Variants in RRM1 observed in about 807,000 individuals in gnomAD.
RRM1 encodes ribonucleoside-diphosphate reductase large subunit.
A neutral mutation model predicts 101.5 loss-of-function variants in RRM1; 19 were observed. The observed-to-expected ratio is 0.19, with a 90% CI of 0.13 to 0.27. The LOEUF (loss-of-function observed/expected upper bound fraction) is 0.27, where lower values mean the gene tolerates loss of function less well. RRM1 is among the 10% of genes least tolerant of loss of function. RRM1 has a pLI of 1.00. For missense variants in RRM1, 500 were observed against 962.9 expected (o/e 0.52, Z 6.36); for synonymous variants, 298 against 323.4 (o/e 0.92, Z 0.84).
chr11:4,103,572 G>A (rs146414134), intron 2 of RRM1, among the ~76,000 whole-genome samples: 9 of 152,150 alleles, frequency 5.9e-5, no homozygotes, highest in Non-Finnish European at 1.0e-4. Flanking sequence ...AAAAACTGTC[G>A]GTGCACATCT....
chr11:4,133,394 G>A (rs1184654948), intron 16 of RRM1, among the ~76,000 whole-genome samples, 169 bp from the exon 17 acceptor site: 1 of 152,206 alleles, frequency 6.6e-6, no homozygotes, highest in African/African-American at 2.4e-5. Context: ...AAGGAATATA[G>A]CTTTCGTGTG....
Position 4,118,436 on chromosome 11 carries a change from G to A in RRM1, c.767G>A (p.Arg256Gln). 1.2e-6 allele frequency: 2 copies of A among 1,613,922 alleles called. No homozygotes were observed. The highest frequency in any genetic ancestry group is 1.7e-6 in the Non-Finnish European group (2 of 1,179,932). The change falls in exon 8 of 19, where the codon CGG becomes CAG. Residue 256 changes from arginine to glutamine, a missense_variant. Arg to Gln is a conservative substitution (Grantham distance 43). Transcript: ENST00000300738. ...GGIGVAVSCI[R>Q]ATGSYIAGTN... The stretch of plus-strand genomic sequence containing the variant: ...ATTGGTGTTGCTGTGAGTTGTATTC[G>A]GGCTACTGGCAGCTACATTGCTGGG...
intron 14 of RRM1, among the ~76,000 whole-genome samples, chr11:4,128,202 C>T (rs1003841059): frequency 1.4e-5 from 2 of 147,426 alleles, no homozygotes; most frequent in Admixed American, 6.8e-5. Flanking sequence ...CACTTTGTTA[C>T]CCAGGCTGGA....
chr11:4,103,682 G>A (rs999139716), intron 2 of RRM1, among the ~76,000 whole-genome samples: 5 of 152,020 alleles, frequency 3.3e-5, no homozygotes, highest in Admixed American at 3.3e-4. Context: ...AGGTGCAGTG[G>A]CTCAATCTTG....
rs778988226 is a variant in RRM1, at chr11:4,127,208, G to A, written c.1644G>A (p.Lys548=). The A allele has an allele frequency of 6.2e-7, 1 of 1,612,068 alleles. No individual in the cohort carries two copies. Among genetic ancestry groups the A allele is most frequent in the South Asian group, 1.1e-5 (1 of 90,728 alleles). ...GALEASCDLA[K]EQGPYETYEG... is the part of the protein sequence containing the mutation. ...TGGAAGCCAGCTGTGACCTTGCCAAGGAGCAGGGCCCATACGAAACCTATG... is the reference window on the plus strand; with the variant it reads ...TGGAAGCCAGCTGTGACCTTGCCAAAGAGCAGGGCCCATACGAAACCTATG... Residue 548 remains lysine (K), a synonymous_variant, in exon 14 of 19, where the codon AAG becomes AAA. Coordinates refer to ENST00000300738, the MANE Select transcript of RRM1 (RefSeq NM_001033.5).
Position 4,122,323 on chromosome 11 carries a change from T to C in RRM1, c.1118+103T>C, listed in dbSNP as rs1590725727. The C allele has an allele frequency of 9.8e-6, 8 of 816,786 alleles. No individual in the cohort carries two copies. In the East Asian group the frequency reaches 2.2e-4, roughly 23 times the overall value. 50.6% of individuals were successfully genotyped at this position (816,786 alleles called of 1,614,324 possible). A position where few individuals can be genotyped will look rare whatever the true frequency, so the allele number is the denominator to read the frequency against. The stretch of plus-strand genomic sequence containing the variant: ...TACTTGTCAAGAATCTTTTGAAGCA[T>C]CTAAGAGAAAAAGTGACTAATAATT... On this transcript the variant is annotated intron_variant, in intron 11 of 18. Coordinates refer to ENST00000300738, the MANE Select transcript of RRM1 (RefSeq NM_001033.5).
intron 5 of RRM1, among the ~76,000 whole-genome samples, chr11:4,111,198 G>C (rs755752379): frequency 7.2e-5 from 11 of 152,076 alleles, no homozygotes; most frequent in Non-Finnish European, 1.3e-4. Flanking sequence ...TTTAAAAAAA[G>C]TGCCAATGAT....
intron 5 of RRM1, among the ~76,000 whole-genome samples, chr11:4,110,661 T>C (rs1317160917): frequency 6.8e-6 from 1 of 146,566 alleles, no homozygotes; most frequent in Non-Finnish European, 1.5e-5. Context: ...TCCAGCTACT[T>C]GGGGGGCTGA....
intron 11 of RRM1, 80 bp downstream of exon 11, chr11:4,122,300 C>A: frequency 1.9e-6 from 2 of 1,051,482 alleles, no homozygotes; most frequent in Non-Finnish European, 2.8e-6. Context: ...ATCAAAAGTA[C>A]TTGTCAAGAA....
At chr11:4,100,778 C>A (rs2094549870) in intron 1 of RRM1, among the ~76,000 whole-genome samples, 1 of 152,160 alleles carries the variant, frequency 6.6e-6, no homozygotes, top group Admixed American at 6.5e-5. Flanking sequence ...TTTATTGTCA[C>A]AGTAAACTGA....
At chr11:4,127,391 T>G in intron 14 of RRM1, 135 bp downstream of exon 14, 2 of 545,306 alleles carry the variant, frequency 3.7e-6, no homozygotes, top group South Asian at 8.1e-5. Flanking sequence ...AAAAAAGGTA[T>G]TTTGCAGATG....
In RRM1 at chr11:4,111,960, T is replaced by C; in HGVS notation, c.548T>C (p.Ile183Thr). Residue 183 changes from isoleucine to threonine, a missense_variant, in exon 7 of 19, where the codon ATT (isoleucine) becomes ACT (threonine). By Grantham distance (89) the Ile-to-Thr change is moderately conservative. This residue lies in a region of RRM1 where 111 missense variants were observed against 219.8 expected (regional missense o/e 0.51). Coordinates refer to ENST00000300738, the MANE Select transcript of RRM1 (RefSeq NM_001033.5). ...TCTGTTGGGATCCACAAAGAAGACA[T>C]TGATGCAGCAATTGAAACATATAAT... ...RVSVGIHKEDIDAAIETYNLL... is the reference protein window; with the variant it reads ...RVSVGIHKEDTDAAIETYNLL... 3 of 1,614,034 alleles carry C rather than the reference T, an allele frequency of 1.9e-6. No individual in the cohort carries two copies. Among genetic ancestry groups the C allele is most frequent in the South Asian group, 1.1e-5 (1 of 91,078 alleles).
At chr11:4,118,611 T>A in intron 8 of RRM1, 150 bp downstream of exon 8, 1 of 659,002 alleles carries the variant, frequency 1.5e-6, no homozygotes, top group East Asian at 2.7e-5. Context: ...TCATTTTACT[T>A]CTGGCTTCAT....
intron 4 of RRM1, among the ~76,000 whole-genome samples, chr11:4,107,952 A>G (rs1590715734): frequency 6.6e-6 from 1 of 152,138 alleles, no homozygotes; most frequent in African/African-American, 2.4e-5. Context: ...AGTGATCAAT[A>G]TTTGTTTTTC....
chr11:4,109,171 A>T (rs540071392), intron 4 of RRM1, among the ~76,000 whole-genome samples: 1 of 151,826 alleles, frequency 6.6e-6, no homozygotes. Context: ...TGTTTATTAT[A>T]TATACTGTTA....
At chr11:4,101,955 A>C in intron 1 of RRM1, 38 bp from the exon 2 acceptor site, 1 of 1,081,312 alleles carries the variant, frequency 9.2e-7, no homozygotes, top group South Asian at 1.3e-5. Context: ...AATTGCTAAC[A>C]TGAATTTAAT....
rs1442366282 is a variant in RRM1, at chr11:4,107,483, A to G, written c.335A>G (p.His112Arg). Residue 112 changes from histidine (H) to arginine (R), a missense_variant, in exon 4 of 19, where the codon CAC becomes CGC. By Grantham distance (29) the His-to-Arg change is conservative. Coordinates refer to ENST00000300738, the MANE Select transcript of RRM1 (RefSeq NM_001033.5). ...TACATAAATCCACATAATGGCAAAC[A>G]CTCTCCCATGGTGGCCAAGTCAACA... is the stretch of plus-strand genomic sequence containing the variant. ...YNYINPHNGK[H>R]SPMVAKSTLD... is the part of the protein sequence containing the mutation. The G allele has an allele frequency of 6.2e-7, 1 of 1,613,468 alleles. No individual in the cohort carries two copies. Among genetic ancestry groups the G allele is most frequent in the Non-Finnish European group, 8.5e-7 (1 of 1,179,576 alleles).
intron 14 of RRM1, among the ~76,000 whole-genome samples, chr11:4,128,227 C>T (rs991604261): frequency 1.1e-4 from 15 of 142,530 alleles, no homozygotes; most frequent in Non-Finnish European, 2.0e-4. Flanking sequence ...GTGGTGTGAT[C>T]TTAGATCACT....
chr11:4,136,921 C>T (rs2094611574), intron 18 of RRM1, among the ~76,000 whole-genome samples: 1 of 151,674 alleles, frequency 6.6e-6, no homozygotes, highest in Non-Finnish European at 1.5e-5. Context: ...CTGCGGCCTT[C>T]CGCAGTGTTT....
Sources: allele counts gnomAD v4.1 joint callset (sites outside exome capture counted in the v4.1 genomes callset), GRCh38; gene constraint gnomAD v4.1.1; regional missense constraint gnomAD v4.1.1; transcripts MANE v1.5; gene names NCBI Gene and HGNC (gene_info 2026-07-23, HGNC 2026-07-21).